The following CLIC5 variants were observed in gnomAD, a reference collection of about 807,000 sequenced individuals.
CLIC5 encodes the protein CLIC family member 5.
Under a neutral mutation model 24.7 loss-of-function variants are expected in CLIC5, and 20 were observed. That is an observed-to-expected ratio of 0.81 (90% CI 0.57 to 1.18). CLIC5 has a LOEUF of 1.18. Among genes scored for constraint, CLIC5 ranks in the 50% most tolerant of loss-of-function variants. The probability of loss-of-function intolerance (pLI) is 0.00; values close to 1 mark genes in which losing one functional copy is unlikely to be tolerated. For missense variants in CLIC5, 341 were observed against 326.1 expected, an observed-to-expected ratio of 1.05 and a Z score of -0.35; for synonymous variants, 159 against 135.6, an observed-to-expected ratio of 1.17 and a Z score of -1.20.
chr6:46,033,481 A>G (rs1767569833), intron 1 of CLIC5, among the ~76,000 whole-genome samples: 1 of 152,198 alleles, frequency 6.6e-6, no homozygotes, highest in Non-Finnish European at 1.5e-5. Flanking sequence ...TACTTTTGAT[A>G]ACCTCCGTGG....
upstream of CLIC5, among the ~76,000 whole-genome samples, chr6:46,082,966 C>T (rs1163508822): frequency 1.3e-5 from 2 of 152,182 alleles, no homozygotes; most frequent in African/African-American, 4.8e-5. Context: ...GTACCTAGAA[C>T]AGTGTCTGGT....
intron 4 of CLIC5, chr6:45,932,842 G>A (rs1233337839): frequency 6.6e-6 from 1 of 152,318 alleles, no homozygotes; most frequent in Non-Finnish European, 1.5e-5. Context: ...GAATGCACCT[G>A]TGGCTGGCTT....
intron 1 of CLIC5, among the ~76,000 whole-genome samples, chr6:45,982,768 CTGTT>C (rs1330161874): frequency 6.6e-6 from 1 of 152,202 alleles, no homozygotes; most frequent in Non-Finnish European, 1.5e-5. Flanking sequence ...TGGGTCAACT[CTGTT>C]TGTCTCAGAT....
chr6:46,016,747 T>C (rs1190072344), upstream of CLIC5, among the ~76,000 whole-genome samples: 4 of 152,170 alleles, frequency 2.6e-5, no homozygotes, highest in African/African-American at 9.7e-5. Context: ...TGCTCTCTCC[T>C]CTCCACATCT....
At chr6:45,997,759 A>G (rs547471808) in intron 1 of CLIC5, among the ~76,000 whole-genome samples, 47 of 152,370 alleles carry the variant, frequency 3.1e-4, no homozygotes, top group Admixed American at 7.2e-4. Context: ...ATTTGAGACT[A>G]TGGAAAAAGG....
Position 45,914,303 on chromosome 6 carries a change from G to A in CLIC5, c.513C>T (p.Ser171=). Residue 171 remains serine (S), a synonymous_variant, in exon 5 of 6, where the codon TCC becomes TCT. Transcript: ENST00000339561. ...DANTCGEDKG[S]RRKFLDGDEL... Reference sequence around the variant, plus strand: ...CATCCCCATCCAGGAACTTGCGCCGGGACCCCTTGTCTTCCCCACAAGTGT... The same window carrying A: ...CATCCCCATCCAGGAACTTGCGCCGAGACCCCTTGTCTTCCCCACAAGTGT... 3 of 1,607,036 alleles carry A rather than the reference G, an allele frequency of 1.9e-6. No individual in the cohort carries two copies. Among genetic ancestry groups the A allele is most frequent in the Non-Finnish European group, 2.6e-6 (3 of 1,175,362 alleles).
rs113444332 is a variant in CLIC5 at position 45,998,812 on chromosome 6, A to T, written c.63+16668T>A. Among the ~76,000 whole-genome samples, 760 of 152,302 alleles carry T rather than the reference A, an allele frequency of 5.0e-3. 5 individuals are homozygous for T. Among genetic ancestry groups the T allele is most frequent in the African/African-American group, 0.018 (731 of 41,566 alleles). On this transcript the variant is annotated intron_variant, in intron 1 of 5. Coordinates refer to ENST00000339561, the MANE Select transcript of CLIC5 (RefSeq NM_016929.5). ...CCACATTCGTTCAATTCCTTCTTGG[A>T]AGGGTACCTAGGTCAGCGATCAGCT... is the stretch of plus-strand genomic sequence containing the variant.
the CLIC5 span, among the ~76,000 whole-genome samples, chr6:46,126,769 T>G: frequency 6.6e-6 from 1 of 152,212 alleles, no homozygotes; most frequent in African/African-American, 2.4e-5. Flanking sequence ...TAATTAGAAC[T>G]GAGCAGTGGA....
At chr6:46,020,060 A>T (rs1322146101), upstream of CLIC5, among the ~76,000 whole-genome samples, 1 of 152,158 alleles carries the variant, frequency 6.6e-6, no homozygotes, top group Non-Finnish European at 1.5e-5. Context: ...GACCTAAACA[A>T]CACTATCAAT....
intron 4 of CLIC5, among the ~76,000 whole-genome samples, chr6:45,939,926 A>C (rs1001696029): frequency 2.0e-5 from 3 of 152,020 alleles, no homozygotes; most frequent in Admixed American, 6.5e-5. Context: ...GCAATGAAGC[A>C]AGAGCACCAA....
chr6:45,925,114 A>G (rs1474950105), intron 4 of CLIC5, among the ~76,000 whole-genome samples: 1 of 152,188 alleles, frequency 6.6e-6, no homozygotes, highest in African/African-American at 2.4e-5. Context: ...TCATGTGAGA[A>G]AAGCAAATTC....
chr6:46,015,356 G>A (rs554829342), intron 1 of CLIC5, 124 bp downstream of exon 1: 141 of 978,888 alleles, frequency 1.4e-4, no homozygotes, highest in African/African-American at 1.2e-3. Flanking sequence ...GAAAGGCCAC[G>A]GGGGAGCACA....
At chr6:45,940,842 A>G (rs1399957253) in intron 4 of CLIC5, among the ~76,000 whole-genome samples, 1 of 152,224 alleles carries the variant, frequency 6.6e-6, no homozygotes, top group Non-Finnish European at 1.5e-5. Context: ...GGACGGTTCC[A>G]TTCAAATGGC....
At chr6:46,121,008 C>A in the CLIC5 span, among the ~76,000 whole-genome samples, 1 of 152,164 alleles carries the variant, frequency 6.6e-6, no homozygotes, top group Non-Finnish European at 1.5e-5. Flanking sequence ...AAACACTCTG[C>A]AGGATATTAT....
chr6:46,032,980 CATT>C (rs1472728601), intron 1 of CLIC5, among the ~76,000 whole-genome samples: 2 of 126,954 alleles, frequency 1.6e-5, no homozygotes, highest in Non-Finnish European at 3.3e-5. Context: ...TGGAAATCTA[CATT>C]TTTTTTTTTT....
Position 45,999,786 on chromosome 6 carries a change from A to C in CLIC5, c.63+15694T>G, listed in dbSNP as rs369731289. On this transcript the variant is annotated intron_variant, in intron 1 of 5. Coordinates refer to ENST00000339561, the MANE Select transcript of CLIC5 (RefSeq NM_016929.5). ...CGGAGTCTCGCTCTGTCGCCCAGGC[A>C]GGACTGCGGACTGCAGTGGCGCAAT... Among the ~76,000 whole-genome samples the C allele has an allele frequency of 5.4e-3, 115 of 21,490 alleles. 43 individuals carry two copies. In the South Asian group the frequency reaches 0.28, roughly 53 times the overall value. 14.1% of individuals were successfully genotyped at this position (21,490 alleles called of 152,430 possible).
intron 4 of CLIC5, among the ~76,000 whole-genome samples, chr6:45,940,205 C>A (rs1764082788): frequency 1.3e-5 from 2 of 152,196 alleles, no homozygotes; most frequent in Admixed American, 1.3e-4. Context: ...AAAGGAGTCT[C>A]ATGCATTTAC....
chr6:46,074,994 A>G (rs147096006), intron 1 of CLIC5, among the ~76,000 whole-genome samples: 3 of 152,380 alleles, frequency 2.0e-5, no homozygotes, highest in East Asian at 1.9e-4. Flanking sequence ...TGCTTGCTGC[A>G]AAGCACTATG....
intron 1 of CLIC5, among the ~76,000 whole-genome samples, chr6:45,961,949 A>C (rs947093187): frequency 1.3e-5 from 2 of 152,066 alleles, no homozygotes; most frequent in African/African-American, 4.8e-5. Flanking sequence ...CTACCTGTGC[A>C]ATGTGATATG....
Sources: allele counts gnomAD v4.1 joint callset (sites outside exome capture counted in the v4.1 genomes callset), GRCh38; gene constraint gnomAD v4.1.1; transcripts MANE v1.5; gene names NCBI Gene and HGNC (gene_info 2026-07-23, HGNC 2026-07-21).